Variants in NSD2 observed in about 807,000 individuals in gnomAD.
NSD2 encodes nuclear receptor binding SET domain protein 2, also known as histone-lysine N-methyltransferase NSD2.
In NSD2, 12 loss-of-function variants were observed where a neutral mutation model predicts 139.0. That is an observed-to-expected ratio of 0.09 (90% confidence interval 0.06 to 0.14). The LOEUF is 0.14. Ranked by LOEUF, NSD2 falls within the 10% of genes least tolerant of loss-of-function variation. The pLI, the probability that NSD2 is intolerant of heterozygous loss-of-function variation, is 1.00. For missense variants in NSD2, 1,155 were observed against 1,745.0 expected (o/e 0.66, Z 6.02); for synonymous variants, 669 against 648.7 (o/e 1.03, Z -0.48).
At position 1,981,883 on chromosome 4, in the gene NSD2, G is replaced by A. The variant is rs1727801860; in HGVS notation, c.*2974G>A. The A allele has an allele frequency of 2.5e-6, 1 of 398,480 alleles. No individual in the cohort carries two copies. The allele number at this position is 398,480 out of a possible 1,614,324, so 24.7% of individuals were successfully genotyped here. On this transcript the variant is annotated 3_prime_UTR_variant, in exon 22 of 22. Transcript: ENST00000508803. ...CAGTAGAGTAAAATGCTGTGTCCAC[G>A]GGGTGTCACAGCCTCACCATACCCT...
intron 1 of NSD2, among the ~76,000 whole-genome samples, chr4:1,894,608 G>T (rs1336031456): frequency 6.6e-6 from 1 of 151,496 alleles, no homozygotes; most frequent in East Asian, 1.9e-4. Context: ...GGAGTTCTAG[G>T]ATGCAGTGAG....
intron 5 of NSD2, among the ~76,000 whole-genome samples, chr4:1,920,231 C>T (rs538330126): frequency 2.6e-5 from 4 of 152,240 alleles, no homozygotes; most frequent in East Asian, 1.9e-4. Context: ...GGGCAGATCA[C>T]CTGAGGTTAG....
chr4:1,946,971 C>G, intron 9 of NSD2: 2 of 1,062,204 alleles, frequency 1.9e-6, no homozygotes, highest in South Asian at 9.1e-5. Flanking sequence ...TATTTTGAAG[C>G]ATGCTGACCA....
At chr4:1,875,528 C>T (rs963103022) in intron 1 of NSD2, among the ~76,000 whole-genome samples, 3 of 152,238 alleles carry the variant, frequency 2.0e-5, no homozygotes, top group African/African-American at 7.2e-5. Context: ...GATCCTCCCA[C>T]TTCGGCCTTG....
At chr4:1,874,177 T>C (rs1432508964) in intron 1 of NSD2, among the ~76,000 whole-genome samples, 1 of 152,238 alleles carries the variant, frequency 6.6e-6, no homozygotes, top group Non-Finnish European at 1.5e-5. Flanking sequence ...TGTTTTTTGG[T>C]GGGCTGCTCA....
At chr4:1,932,268 C>G (rs893029862) in intron 6 of NSD2, among the ~76,000 whole-genome samples, 1 of 151,858 alleles carries the variant, frequency 6.6e-6, no homozygotes, top group African/African-American at 2.4e-5. Flanking sequence ...GAAACCCCAT[C>G]TCTACTAAAA....
At chr4:1,971,349 A>G (rs1726456045) in intron 18 of NSD2, among the ~76,000 whole-genome samples, 1 of 152,134 alleles carries the variant, frequency 6.6e-6, no homozygotes, top group Admixed American at 6.5e-5. Context: ...TGCACCCTAA[A>G]TTTAGGGCCT....
At chr4:1,881,072 T>A (rs1326618345) in intron 1 of NSD2, among the ~76,000 whole-genome samples, 1 of 151,508 alleles carries the variant, frequency 6.6e-6, no homozygotes, top group Non-Finnish European at 1.5e-5. Context: ...GGAGAGGGAG[T>A]AGGTTATTTG....
chr4:1,937,616 T>C (rs150997550), intron 7 of NSD2, among the ~76,000 whole-genome samples: 2 of 152,324 alleles, frequency 1.3e-5, no homozygotes, highest in East Asian at 1.9e-4. Context: ...CAATGTGCAC[T>C]GAGCACTTCT....
chr4:1,955,420 C>T lies in NSD2; in HGVS notation c.2518+80C>T. 2 of 1,493,130 alleles carry T rather than the reference C, an allele frequency of 1.3e-6. No individual in the cohort carries two copies. Among genetic ancestry groups the T allele is most frequent in the Non-Finnish European group, 1.8e-6 (2 of 1,114,570 alleles). The allele number at this position is 1,493,130 out of a possible 1,614,324, so 92.5% of individuals were successfully genotyped here. A position where few individuals can be genotyped will look rare whatever the true frequency, so the allele number is the denominator to read the frequency against. On this transcript the variant is annotated intron_variant, in intron 13 of 21. Transcript: ENST00000508803. The surrounding 1 kb of genome is among the most constrained non-coding windows in gnomAD (Gnocchi z 4.7). The stretch of plus-strand genomic sequence containing the variant: ...ATATCAAGGCAGGCTCATTCCTTGT[C>T]TGCGCTGTGTTCATTGATGTTGACA...
At chr4:1,915,327 G>A (rs1719239165) in intron 3 of NSD2, among the ~76,000 whole-genome samples, 1 of 151,892 alleles carries the variant, frequency 6.6e-6, no homozygotes, top group Admixed American at 6.6e-5. Flanking sequence ...TGTTAGCCAG[G>A]ATGGTCTCGA....
intron 5 of NSD2, among the ~76,000 whole-genome samples, chr4:1,928,429 C>T (rs1430430229): frequency 6.6e-6 from 1 of 152,142 alleles, no homozygotes; most frequent in Non-Finnish European, 1.5e-5. Context: ...TGGGACCTGA[C>T]CCTAATTGTG....
At chr4:1,913,711 C>G (rs1391840066) in intron 3 of NSD2, among the ~76,000 whole-genome samples, 7 of 152,146 alleles carry the variant, frequency 4.6e-5, no homozygotes, top group Non-Finnish European at 7.4e-5. Context: ...TTACCCTGCC[C>G]CCTTGCCTTG....
intron 2 of NSD2, among the ~76,000 whole-genome samples, chr4:1,901,468 T>C (rs1485635589): frequency 6.6e-6 from 1 of 152,158 alleles, no homozygotes; most frequent in Non-Finnish European, 1.5e-5. Flanking sequence ...CTGAGCCAGT[T>C]GAGAGGTCTA....
chr4:1,945,276 G>A (rs985997903), intron 9 of NSD2: 2 of 1,066,224 alleles, frequency 1.9e-6, no homozygotes, highest in Non-Finnish European at 1.1e-6. Context: ...AGCTGGAGAC[G>A]TTAAGAGCTG....
At chr4:1,941,833 A>G (rs1723131203) in intron 9 of NSD2, 1 of 1,054,796 alleles carries the variant, frequency 9.5e-7, no homozygotes, top group Non-Finnish European at 1.1e-6. Context: ...TTATATATTA[A>G]CGCGACTGAA....
chr4:1,951,234 T>G, intron 10 of NSD2, 31 bp downstream of exon 10: 1 of 1,613,030 alleles, frequency 6.2e-7, no homozygotes, highest in Non-Finnish European at 8.5e-7. Flanking sequence ...GCTATGTCCG[T>G]GCTGGTGTCT....
intron 1 of NSD2, among the ~76,000 whole-genome samples, chr4:1,887,109 G>C (rs1251673354): frequency 6.6e-6 from 1 of 152,160 alleles, no homozygotes. Flanking sequence ...TGTTCCTCCT[G>C]CTCCATGTGA....
At chr4:1,895,750 C>G (rs1177388202) in intron 1 of NSD2, among the ~76,000 whole-genome samples, 1 of 152,212 alleles carries the variant, frequency 6.6e-6, no homozygotes, top group Non-Finnish European at 1.5e-5. Flanking sequence ...CCTGCAGGTC[C>G]TACCAGTGTC....
Sources: gnomAD v4.1 joint callset for allele counts (sites outside exome capture counted in the v4.1 genomes callset) on GRCh38, gnomAD v4.1.1 for gene constraint, Gnocchi (gnomAD v3.1) non-coding constraint, MANE v1.5 for transcripts, NCBI Gene and HGNC (gene_info 2026-07-23, HGNC 2026-07-21) for gene names.